Variants in C6orf89 observed in about 807,000 individuals in gnomAD.
The protein encoded by C6orf89 is chromosome 6 open reading frame 89.
A neutral mutation model predicts 40.7 loss-of-function variants in C6orf89; 29 were observed. That is an observed-to-expected ratio of 0.71 (90% CI 0.53 to 0.97). C6orf89 has a LOEUF of 0.97. Among genes scored for constraint, C6orf89 ranks in the 50% least tolerant of loss-of-function variants. C6orf89 has a pLI of 0.00. For synonymous variants in C6orf89, 165 were observed against 152.2 expected (o/e 1.08, Z -0.62); for missense variants, 392 against 429.1 (o/e 0.91, Z 0.76).
At chr6:36,919,355 T>C (rs1762433256) in intron 7 of C6orf89, among the ~76,000 whole-genome samples, 1 of 152,200 alleles carries the variant, frequency 6.6e-6, no homozygotes, top group African/African-American at 2.4e-5. Flanking sequence ...ATAGAAGAGA[T>C]TTTACTCTGG....
upstream of C6orf89, among the ~76,000 whole-genome samples, chr6:36,883,890 T>C (rs891478146): frequency 6.6e-6 from 1 of 152,224 alleles, no homozygotes; most frequent in African/African-American, 2.4e-5. Flanking sequence ...TACTAAGTAA[T>C]AGAATTGGCT....
At chr6:36,918,898 G>A in intron 7 of C6orf89, among the ~76,000 whole-genome samples, 1 of 152,194 alleles carries the variant, frequency 6.6e-6, no homozygotes, top group South Asian at 2.1e-4. Flanking sequence ...TACCTGTGCA[G>A]GTGCATATGC....
rs937893067 is a variant in C6orf89, at chr6:36,928,731, G to A, written c.*5290G>A. On this transcript the variant is annotated 3_prime_UTR_variant, in exon 9 of 9. Coordinates refer to ENST00000480824, the MANE Select transcript of C6orf89 (RefSeq NM_001286635.2). ...GGGACAGGTGCCAGGGTCAGCTGCAGCTCTCCTTCCGGGAGCAGGGTGTGG... is the reference window on the plus strand; with the variant it reads ...GGGACAGGTGCCAGGGTCAGCTGCAACTCTCCTTCCGGGAGCAGGGTGTGG... The A allele has an allele frequency of 1.3e-5, 2 of 152,306 alleles. No individual in the cohort carries two copies. Among genetic ancestry groups the A allele is most frequent in the Non-Finnish European group, 2.9e-5 (2 of 68,120 alleles). The allele number at this position is 152,306 out of a possible 1,614,324, so 9.4% of individuals were successfully genotyped here.
chr6:36,898,808 G>A (rs1561863546), intron 2 of C6orf89, among the ~76,000 whole-genome samples: 1 of 152,094 alleles, frequency 6.6e-6, no homozygotes, highest in South Asian at 2.1e-4. Context: ...AAAGCATGAG[G>A]ACTCTGGTTG....
chr6:36,924,143 CT>C lies in C6orf89; in HGVS notation c.*703del, dbSNP rs1762607652. On this transcript the variant is annotated 3_prime_UTR_variant, in exon 9 of 9. Transcript: ENST00000480824. ...GGTTCTTTTATCCCCACTGCACCCC[CT>C]CCCCTTCTCCCTTGCCTATCTGGAT... 6.4e-6 allele frequency: 1 copy of C among 155,378 alleles called. No homozygotes were observed. Among genetic ancestry groups the C allele is most frequent in the Non-Finnish European group, 1.4e-5 (1 of 69,976 alleles). The allele number at this position is 155,378 out of a possible 1,614,324, so 9.6% of individuals were successfully genotyped here. A position where few individuals can be genotyped will look rare whatever the true frequency, so the allele number is the denominator to read the frequency against.
In C6orf89 at chr6:36,925,026, G is replaced by C. The variant is rs193049966; in HGVS notation, c.*1585G>C. The C allele has an allele frequency of 6.6e-6, 1 of 152,024 alleles. No individual in the cohort carries two copies. The highest frequency in any genetic ancestry group is 1.9e-4 in the East Asian group (1 of 5,178). 9.4% of individuals were successfully genotyped at this position (152,024 alleles called of 1,614,324 possible). A position where few individuals can be genotyped will look rare whatever the true frequency, so the allele number is the denominator to read the frequency against. The stretch of plus-strand genomic sequence containing the variant: ...TAGAAACATCAGAGCCTCCTCCACG[G>C]GCTTCAGTGAAACTCCGATGAACTG... On this transcript the variant is annotated 3_prime_UTR_variant, in exon 9 of 9. Transcript: ENST00000480824.
At chr6:36,877,734 C>T (rs1225692188) in intron 1 of C6orf89, among the ~76,000 whole-genome samples, 2 of 152,222 alleles carry the variant, frequency 1.3e-5, no homozygotes, top group Non-Finnish European at 2.9e-5. Context: ...TTAAGGAATC[C>T]TGAAGCCTCT....
At chr6:36,876,424 G>A (rs1774653337) in intron 1 of C6orf89, among the ~76,000 whole-genome samples, 1 of 152,120 alleles carries the variant, frequency 6.6e-6, no homozygotes. Flanking sequence ...AATGAGGACT[G>A]TAATAAGAAG....
chr6:36,927,274 C>T lies in C6orf89; in HGVS notation c.*3833C>T, dbSNP rs1343880115. 1 of 152,234 alleles carries T rather than the reference C, an allele frequency of 6.6e-6. No individual in the cohort carries two copies. Among genetic ancestry groups the T allele is most frequent in the Non-Finnish European group, 1.5e-5 (1 of 68,040 alleles). The allele number at this position is 152,234 out of a possible 1,614,324, so 9.4% of individuals were successfully genotyped here. Reference sequence around the variant, plus strand: ...GTGTACACTTACTTTAAAACAAAAACTCACATTTCTTAGCTGCAGGTGATG... The same window carrying T: ...GTGTACACTTACTTTAAAACAAAAATTCACATTTCTTAGCTGCAGGTGATG... On this transcript the variant is annotated 3_prime_UTR_variant, in exon 9 of 9. Coordinates refer to ENST00000480824, the MANE Select transcript of C6orf89 (RefSeq NM_001286635.2).
At position 36,916,489 on chromosome 6, in the gene C6orf89, C is replaced by G. The variant is rs1762327473; in HGVS notation, c.740C>G (p.Pro247Arg). The change falls in exon 7 of 9, where the codon CCT becomes CGT. Residue 247 changes from proline (P) to arginine (R), a missense_variant. Physicochemically the swap from Pro to Arg is moderately radical, Grantham distance 103 (BLOSUM62 -2). Transcript: ENST00000480824. ...NRSQMLRELF[P>R]VFTHLPFPKD... is the part of the protein sequence containing the mutation. ...TCACAAATGTTACGTGAGCTTTTTCCTGTTTTCACTCACCTGCCATTTCCA... is the reference window on the plus strand; with the variant it reads ...TCACAAATGTTACGTGAGCTTTTTCGTGTTTTCACTCACCTGCCATTTCCA... The G allele has an allele frequency of 1.9e-6, 3 of 1,614,196 alleles. No homozygotes were observed. In the East Asian group the frequency reaches 6.7e-5, roughly 36 times the overall value.
intron 1 of C6orf89, chr6:36,874,974 A>G: frequency 3.4e-6 from 2 of 590,646 alleles, no homozygotes; most frequent in Non-Finnish European, 5.9e-6. Context: ...GGGCTCAAGA[A>G]CAGAGGAAAA....
At chr6:36,918,895 G>C (rs1406556588) in intron 7 of C6orf89, among the ~76,000 whole-genome samples, 3 of 152,204 alleles carry the variant, frequency 2.0e-5, no homozygotes, top group African/African-American at 7.2e-5. Context: ...AGTTACCTGT[G>C]CAGGTGCATA....
chr6:36,884,495 T>C (rs1332037347), upstream of C6orf89, among the ~76,000 whole-genome samples: 1 of 152,198 alleles, frequency 6.6e-6, no homozygotes, highest in Non-Finnish European at 1.5e-5. This position sits in a 1 kb window ranked among gnomAD's most constrained non-coding sequence, Gnocchi z 4.0. Context: ...TTTAAATGCT[T>C]GCATGCAGCC....
At position 36,914,691 on chromosome 6, in the gene C6orf89, A is replaced by G; in HGVS notation, c.693A>G (p.Pro231=). ...AGCGGTGGTTCCCATTTCCTTATCCATGGTGAGTGTGAAAAGGGCCGGGCA... is the reference window on the plus strand; with the variant it reads ...AGCGGTGGTTCCCATTTCCTTATCCGTGGTGAGTGTGAAAAGGGCCGGGCA... ...FPERWFPFPY[P]WRRPLNRSQM... Residue 231 remains proline, a splice_region_variant and synonymous_variant, in exon 6 of 9, where the codon CCA becomes CCG. Coordinates refer to ENST00000480824, the MANE Select transcript of C6orf89 (RefSeq NM_001286635.2). 1.2e-6 allele frequency: 2 copies of G among 1,613,700 alleles called. No homozygotes were observed. Among genetic ancestry groups the G allele is most frequent in the African/African-American group, 1.3e-5 (1 of 75,044 alleles).
At chr6:36,886,421 TA>T (rs1234657545) in intron 1 of C6orf89, among the ~76,000 whole-genome samples, 1 of 152,250 alleles carries the variant, frequency 6.6e-6, no homozygotes, top group African/African-American at 2.4e-5. Context: ...GATCTTTTTC[TA>T]ATAATCGTTA....
Position 36,928,505 on chromosome 6 carries a change from C to T in C6orf89, c.*5064C>T, listed in dbSNP as rs905148886. ...GTGACAGGAGCCAGCAGACACATGA[C>T]ATTCCCAGAAAGCCCCATCTTATCC... is the stretch of plus-strand genomic sequence containing the variant. On this transcript the variant is annotated 3_prime_UTR_variant, in exon 9 of 9. Coordinates refer to ENST00000480824, the MANE Select transcript of C6orf89 (RefSeq NM_001286635.2). The T allele has an allele frequency of 6.5e-6, 1 of 152,842 alleles. No homozygotes were observed. The highest frequency in any genetic ancestry group is 1.5e-5 in the Non-Finnish European group (1 of 68,410). The allele number at this position is 152,842 out of a possible 1,614,324, so 9.5% of individuals were successfully genotyped here.
At chr6:36,893,807 A>G (rs1561860676) in intron 1 of C6orf89, among the ~76,000 whole-genome samples, 1 of 152,122 alleles carries the variant, frequency 6.6e-6, no homozygotes, top group Non-Finnish European at 1.5e-5. Flanking sequence ...GGCATGTGCC[A>G]TTTTTTATTG....
intron 1 of C6orf89, among the ~76,000 whole-genome samples, chr6:36,890,999 TTTA>T (rs1339070111): frequency 2.9e-5 from 4 of 137,954 alleles, no homozygotes; most frequent in Non-Finnish European, 6.4e-5. Context: ...ACTTTTTCTT[TTTA>T]TTATTATTAT....
At position 36,902,245 on chromosome 6, in the gene C6orf89, T is replaced by C. The variant is rs1322198972; in HGVS notation, c.214T>C (p.Leu72=). The C allele has an allele frequency of 6.2e-7, 1 of 1,614,202 alleles. No individual in the cohort carries two copies. The highest frequency in any genetic ancestry group is 8.5e-7 in the Non-Finnish European group (1 of 1,180,034). ...GGTTCTCGCAACCTTGGGATTAATC[T>C]TGCTCACTGCCTACTTTGTGATTCA... ...YKVLATLGLI[L]LTAYFVIQPF... Residue 72 remains leucine (L), a synonymous_variant, in exon 4 of 9, where the codon TTG becomes CTG. Coordinates refer to ENST00000480824, the MANE Select transcript of C6orf89 (RefSeq NM_001286635.2).
Sources: allele counts gnomAD v4.1 joint callset (sites outside exome capture counted in the v4.1 genomes callset), GRCh38; gene constraint gnomAD v4.1.1; non-coding constraint Gnocchi (gnomAD v3.1); transcripts MANE v1.5; gene names NCBI Gene and HGNC (gene_info 2026-07-23, HGNC 2026-07-21).